MTUS2: variants seen among roughly 807,000 people sequenced by gnomAD.
MTUS2 encodes the protein microtubule associated scaffold protein 2, also known as microtubule-associated tumor suppressor candidate 2.
A neutral mutation model predicts 114.1 loss-of-function variants in MTUS2; 40 were observed. That is an observed-to-expected ratio of 0.35 (90% confidence interval 0.27 to 0.46). MTUS2 has a LOEUF of 0.46. Ranked by LOEUF, MTUS2 falls within the 20% of genes least tolerant of loss-of-function variation. The pLI is 1.00. For missense variants in MTUS2, 1,679 were observed against 1,705.4 expected, an observed-to-expected ratio of 0.98 and a Z score of 0.27; for synonymous variants, 688 against 672.0, an observed-to-expected ratio of 1.02 and a Z score of -0.37.
intron 4 of MTUS2, among the ~76,000 whole-genome samples, chr13:29,039,593 A>G (rs1215262006): frequency 1.3e-5 from 2 of 152,206 alleles, no homozygotes; most frequent in African/African-American, 2.4e-5. Context: ...AGCTGCCTCT[A>G]CTTTTGTGCC....
intron 1 of MTUS2, among the ~76,000 whole-genome samples, chr13:28,833,159 C>A (rs1381402931): frequency 6.6e-6 from 1 of 152,128 alleles, no homozygotes; most frequent in Non-Finnish European, 1.5e-5. Context: ...GAATTAACAG[C>A]AGTTTTGCAT....
At chr13:29,486,022 T>C (rs531807146) in intron 10 of MTUS2, among the ~76,000 whole-genome samples, 28 of 152,364 alleles carry the variant, frequency 1.8e-4, no homozygotes, top group Non-Finnish European at 3.7e-4. Context: ...TTTCCTTTTT[T>C]AAACCAGTGA....
chr13:29,289,233 G>A lies in MTUS2; in HGVS notation c.2806+7368G>A, dbSNP rs536022035. Among the ~76,000 whole-genome samples the A allele has an allele frequency of 3.3e-5, 5 of 152,272 alleles. No homozygotes were observed. The South Asian group carries it at 8.3e-4, about 25-fold the overall frequency. On this transcript the variant is annotated intron_variant, in intron 6 of 15. Coordinates refer to ENST00000612955, the MANE Select transcript of MTUS2 (RefSeq NM_001033602.4). ...TATCTGTAAAAACAGCAAAGTTCAA[G>A]TATGGACTAATGGATGGGATGGTAA...
chr13:28,837,472 C>G (rs1566167975), intron 1 of MTUS2, among the ~76,000 whole-genome samples: 1 of 152,152 alleles, frequency 6.6e-6, no homozygotes, highest in Non-Finnish European at 1.5e-5. Flanking sequence ...TGGCCTAGGG[C>G]TACTCTGTTT....
chr13:29,084,776 G>T (rs1889604767), intron 4 of MTUS2, among the ~76,000 whole-genome samples: 1 of 125,228 alleles, frequency 8.0e-6, no homozygotes, highest in Non-Finnish European at 1.6e-5. Flanking sequence ...GACCTCAGGT[G>T]ATCCACCCCC....
intron 2 of MTUS2, among the ~76,000 whole-genome samples, chr13:28,885,152 C>T (rs118108507): frequency 0.015 from 2,234 of 152,278 alleles, 19 homozygotes; most frequent in Middle Eastern, 0.024. Context: ...AAGCATCATT[C>T]ATACTTTGCT....
intron 2 of MTUS2, among the ~76,000 whole-genome samples, chr13:28,978,333 G>T (rs1239769084): frequency 6.6e-6 from 1 of 152,150 alleles, no homozygotes; most frequent in Non-Finnish European, 1.5e-5. Flanking sequence ...CCTTCACTTT[G>T]TAGAGACAGT....
At position 29,025,598 on chromosome 13, in the gene MTUS2, AT is replaced by A. The variant is rs1467829013; in HGVS notation, c.902del (p.Leu301Ter). 11 of 1,613,922 alleles carry A rather than the reference AT, an allele frequency of 6.8e-6. 1 individual carries two copies. The Admixed American group carries it at 1.8e-4, about 27-fold the overall frequency. ...KEIPSKLEAQ[L>X]GQGKGEAKLD... ...AAATCCCAAGTAAACTGGAAGCACA[AT>A]TAGGTCAGGGAAAGGGAGAGGCCAA... On this transcript the variant is annotated frameshift_variant, in exon 3 of 16. Coordinates refer to ENST00000612955, the MANE Select transcript of MTUS2 (RefSeq NM_001033602.4). LOFTEE classifies it high-confidence loss of function.
At chr13:29,267,903 A>G (rs532383426) in intron 5 of MTUS2, among the ~76,000 whole-genome samples, 2 of 152,318 alleles carry the variant, frequency 1.3e-5, no homozygotes, top group African/African-American at 4.8e-5. Flanking sequence ...CTGGTGCTGC[A>G]CACCAGCTGG....
intron 9 of MTUS2, among the ~76,000 whole-genome samples, chr13:29,451,772 G>C (rs1878700978): frequency 6.6e-6 from 1 of 151,936 alleles, no homozygotes. Flanking sequence ...ATTTTTAGTA[G>C]AGACAGGGTT....
At chr13:28,911,377 T>A (rs980372020) in intron 2 of MTUS2, among the ~76,000 whole-genome samples, 1 of 151,922 alleles carries the variant, frequency 6.6e-6, no homozygotes, top group Non-Finnish European at 1.5e-5. Context: ...GGTTTCACCA[T>A]GTTGGCCAGG....
chr13:29,060,884 T>C (rs1315116011), intron 4 of MTUS2, among the ~76,000 whole-genome samples: 1 of 148,670 alleles, frequency 6.7e-6, no homozygotes, highest in Non-Finnish European at 1.5e-5. Flanking sequence ...CACTGCAAGC[T>C]CCGCTTCCTG....
At chr13:29,360,698 C>T (rs948236448) in intron 8 of MTUS2, among the ~76,000 whole-genome samples, 2 of 137,904 alleles carry the variant, frequency 1.5e-5, no homozygotes, top group South Asian at 2.7e-4. Context: ...ACCCCCCCCC[C>T]CCCGTAAGAA....
chr13:28,890,337 A>C (rs1026295800), intron 2 of MTUS2, among the ~76,000 whole-genome samples: 4 of 152,186 alleles, frequency 2.6e-5, no homozygotes, highest in African/African-American at 9.7e-5. Flanking sequence ...GCTTAGCCTC[A>C]TCTGAAGCAT....
In MTUS2 at chr13:29,167,993, A is replaced by G. The variant is rs117623876; in HGVS notation, c.2644+67023A>G. The stretch of plus-strand genomic sequence containing the variant: ...TTTTAACTAAAATACAAAAGGAACA[A>G]TGTATAATTTTGTTGAACTGACATC... On this transcript the variant is annotated intron_variant, in intron 5 of 15. Coordinates refer to ENST00000612955, the MANE Select transcript of MTUS2 (RefSeq NM_001033602.4). Among the ~76,000 whole-genome samples the G allele has an allele frequency of 2.0e-3, 299 of 152,368 alleles. No individual in the cohort carries two copies. In the South Asian group the frequency reaches 0.021, roughly 11 times the overall value.
At chr13:28,997,788 G>T (rs1885184965) in intron 2 of MTUS2, among the ~76,000 whole-genome samples, 1 of 152,032 alleles carries the variant, frequency 6.6e-6, no homozygotes, top group Admixed American at 6.6e-5. Context: ...GTGTGTCTCT[G>T]CACGTGAGAT....
intron 2 of MTUS2, among the ~76,000 whole-genome samples, chr13:28,886,809 C>T (rs879603142): frequency 3.3e-5 from 5 of 152,210 alleles, no homozygotes; most frequent in Non-Finnish European, 2.9e-5. Flanking sequence ...CATTCATTCT[C>T]ACCATTGAGA....
At position 29,024,601 on chromosome 13, in the gene MTUS2, C is replaced by A. The variant is rs548409447; in HGVS notation, c.-98C>A. 58 of 1,432,504 alleles carry A rather than the reference C, an allele frequency of 4.0e-5. No individual in the cohort carries two copies. The South Asian group carries it at 7.3e-4, about 18-fold the overall frequency. The allele number at this position is 1,432,504 out of a possible 1,614,324, so 88.7% of individuals were successfully genotyped here. A position where few individuals can be genotyped will look rare whatever the true frequency, so the allele number is the denominator to read the frequency against. The stretch of plus-strand genomic sequence containing the variant: ...GGTGACATTGTCAGGGGAGAACAAG[C>A]AGCTTGAGAATTTCCTCTTAATCTG... On this transcript the variant is annotated 5_prime_UTR_variant, in exon 3 of 16. Coordinates refer to ENST00000612955, the MANE Select transcript of MTUS2 (RefSeq NM_001033602.4).
intron 6 of MTUS2, among the ~76,000 whole-genome samples, chr13:29,289,757 G>T (rs1378785563): frequency 6.6e-6 from 1 of 152,152 alleles, no homozygotes; most frequent in Admixed American, 6.5e-5. Flanking sequence ...GAGCCACTGC[G>T]CCTGGCCCAA....
Sources: allele counts gnomAD v4.1 joint callset (sites outside exome capture counted in the v4.1 genomes callset), GRCh38; gene constraint gnomAD v4.1.1; transcripts MANE v1.5; gene names NCBI Gene and HGNC (gene_info 2026-07-23, HGNC 2026-07-21).